TTC7B: variants seen among roughly 807,000 people sequenced by gnomAD.
TTC7B encodes tetratricopeptide repeat protein 7B.
In TTC7B, 28 loss-of-function variants were observed where a neutral mutation model predicts 106.8. The ratio of observed to expected loss-of-function variants is 0.26; its 90% CI spans 0.19 to 0.36. The LOEUF is 0.36. Ranked by LOEUF, TTC7B falls within the 10% of genes least tolerant of loss-of-function variation. TTC7B has a pLI of 1.00. For synonymous variants in TTC7B, 405 were observed against 430.6 expected, an observed-to-expected ratio of 0.94 and a Z score of 0.74; for missense variants, 862 against 1,076.4, an observed-to-expected ratio of 0.80 and a Z score of 2.79.
At chr14:90,622,738 C>G (rs138646236) in intron 15 of TTC7B, among the ~76,000 whole-genome samples, 1 of 152,086 alleles carries the variant, frequency 6.6e-6, no homozygotes, top group East Asian at 1.9e-4. Flanking sequence ...GCCCCCACTT[C>G]CCCCCAAAAG....
At chr14:90,594,969 CAAGAG>C (rs1346083297) in intron 17 of TTC7B, among the ~76,000 whole-genome samples, 8 of 152,270 alleles carry the variant, frequency 5.3e-5, no homozygotes, top group Non-Finnish European at 7.4e-5. Context: ...CAAGGACGAC[CAAGAG>C]GAGAGCAGCC....
chr14:90,593,607 C>T lies in TTC7B; in HGVS notation c.1986G>A (p.Ser662=), dbSNP rs776314170. Residue 662 remains serine, a synonymous_variant, in exon 18 of 20, where the codon TCG becomes TCA. Coordinates refer to ENST00000328459, the MANE Select transcript of TTC7B (RefSeq NM_001010854.2). ...DPETGSVHAT[S]VAASRVEQAL... The stretch of plus-strand genomic sequence containing the variant: ...CCTGCTCCACTCTTGAGGCTGCTAC[C>T]GATGTGGCATGGACGGAGCCTGTGA... 9.3e-6 allele frequency: 15 copies of T among 1,609,966 alleles called. No individual in the cohort carries two copies. The highest frequency in any genetic ancestry group is 1.7e-5 in the Admixed American group (1 of 59,678).
rs148044709 is a variant in TTC7B, at chr14:90,763,288, C to T, written c.445+17450G>A. On this transcript the variant is annotated intron_variant, in intron 3 of 19. Coordinates refer to ENST00000328459, the MANE Select transcript of TTC7B (RefSeq NM_001010854.2). ...TAAAAAATAAAGCACAAAAATTACA[C>T]GAACAATGCAATAAAAAAATTAGAC... Among the ~76,000 whole-genome samples the T allele has an allele frequency of 6.2e-3, 940 of 152,118 alleles. 2 individuals carry two copies. The highest frequency in any genetic ancestry group is 0.01 in the Non-Finnish European group (690 of 67,976).
chr14:90,557,293 G>T (rs1890355998), intron 19 of TTC7B, among the ~76,000 whole-genome samples: 1 of 152,180 alleles, frequency 6.6e-6, no homozygotes, highest in Admixed American at 6.5e-5. Context: ...CCCTGCAGGA[G>T]AGCAGGGCTG....
intron 19 of TTC7B, chr14:90,569,833 G>A (rs1187100057): frequency 3.3e-5 from 5 of 152,426 alleles, no homozygotes; most frequent in African/African-American, 1.2e-4. Context: ...GATTGCCCAT[G>A]TGGACAGAGA....
chr14:90,648,127 T>C (rs552362790), intron 13 of TTC7B, among the ~76,000 whole-genome samples: 1 of 152,256 alleles, frequency 6.6e-6, no homozygotes, highest in African/African-American at 2.4e-5. Flanking sequence ...TTCACTAATT[T>C]AGGTCATTGT....
At chr14:90,607,945 A>G (rs1212937427) in intron 17 of TTC7B, among the ~76,000 whole-genome samples, 1 of 152,260 alleles carries the variant, frequency 6.6e-6, no homozygotes, top group Non-Finnish European at 1.5e-5. Flanking sequence ...AGGAACAAAT[A>G]AGATGGATGG....
chr14:90,686,988 T>C (rs1280879403), intron 7 of TTC7B, among the ~76,000 whole-genome samples: 1 of 149,488 alleles, frequency 6.7e-6, no homozygotes, highest in Non-Finnish European at 1.5e-5. Flanking sequence ...AAATCCCAGC[T>C]GCCTATTTTT....
chr14:90,663,030 T>C lies in TTC7B; in HGVS notation c.1153-4643A>G, dbSNP rs1713154080. Among the ~76,000 whole-genome samples, 1 of 152,234 alleles carries C rather than the reference T, an allele frequency of 6.6e-6. No individual in the cohort carries two copies. The highest frequency in any genetic ancestry group is 2.1e-4 in the South Asian group (1 of 4,832). On this transcript the variant is annotated intron_variant, in intron 9 of 19. Transcript: ENST00000328459. This position sits in a 1 kb window ranked among gnomAD's most constrained non-coding sequence, Gnocchi z 4.5. Reference sequence around the variant, plus strand: ...ACAACTTTACAGAACTGGACCGGAATGTACGCTTATTCTTTATTACTTTAA... The same window carrying C: ...ACAACTTTACAGAACTGGACCGGAACGTACGCTTATTCTTTATTACTTTAA...
intron 15 of TTC7B, among the ~76,000 whole-genome samples, chr14:90,635,357 T>A (rs1884886226): frequency 6.6e-6 from 1 of 152,034 alleles, no homozygotes; most frequent in Non-Finnish European, 1.5e-5. Context: ...GCAAGTCAAA[T>A]AGAAAGCATA....
chr14:90,562,973 T>C (rs1264845230), intron 19 of TTC7B, among the ~76,000 whole-genome samples: 2 of 152,058 alleles, frequency 1.3e-5, no homozygotes, highest in Non-Finnish European at 2.9e-5. Context: ...TGCCGCACCA[T>C]ACCCTGCACA....
intron 1 of TTC7B, among the ~76,000 whole-genome samples, chr14:90,788,268 G>A (rs778193552): frequency 5.3e-5 from 8 of 152,156 alleles, no homozygotes; most frequent in Non-Finnish European, 1.0e-4. Context: ...ACTCCAGTGC[G>A]TGGGGCCGGT....
intron 17 of TTC7B, chr14:90,605,813 A>G: frequency 8.5e-7 from 1 of 1,180,792 alleles, no homozygotes; most frequent in Non-Finnish European, 1.1e-6. Flanking sequence ...CTTTAGAAAC[A>G]CAAAGAAAAA....
At position 90,562,739 on chromosome 14, in the gene TTC7B, C is replaced by G. The variant is rs141170541; in HGVS notation, c.2310+15367G>C. On this transcript the variant is annotated intron_variant, in intron 19 of 19. Transcript: ENST00000328459. ...CCTTATATAACCATGTAACCATATC[C>G]CACCTAACAAAATGAACAGTACCTC... 5.0e-3 allele frequency among the ~76,000 whole-genome samples: 767 copies of G among 152,228 alleles called. 2 individuals are homozygous for G. The highest frequency in any genetic ancestry group is 8.6e-3 in the Non-Finnish European group (588 of 68,002).
chr14:90,552,881 G>C (rs568935475), intron 19 of TTC7B, among the ~76,000 whole-genome samples: 4 of 152,348 alleles, frequency 2.6e-5, no homozygotes, highest in Non-Finnish European at 5.9e-5. Context: ...CGGGGTGGCT[G>C]CTTCCTCACT....
chr14:90,657,174 C>A lies in TTC7B; in HGVS notation c.1341G>T (p.Trp447Cys). ...CGGGGAGGGGGGCGCCCCTACTCAC[C>A]CAGTGCAGGGAGCCCATGCAGAGCT... Reference protein sequence around the residue: ...AAKLCMGSLHWLEEAEKFAKT... With the variant: ...AAKLCMGSLHCLEEAEKFAKT... Residue 447 changes from tryptophan to cysteine, a missense_variant and splice_region_variant, in exon 11 of 20, where the codon TGG becomes TGT. Trp to Cys is a radical substitution (Grantham distance 215). Coordinates refer to ENST00000328459, the MANE Select transcript of TTC7B (RefSeq NM_001010854.2). The surrounding 1 kb of genome is among the most constrained non-coding windows in gnomAD (Gnocchi z 4.2). 6.2e-7 allele frequency: 1 copy of A among 1,613,014 alleles called. No individual in the cohort carries two copies. Among genetic ancestry groups the A allele is most frequent in the Non-Finnish European group, 8.5e-7 (1 of 1,179,174 alleles).
intron 19 of TTC7B, among the ~76,000 whole-genome samples, chr14:90,560,970 C>T (rs1054996578): frequency 6.6e-6 from 1 of 152,238 alleles, no homozygotes; most frequent in Admixed American, 6.5e-5. Flanking sequence ...AATTGACCTG[C>T]CTTGCTTTGA....
intron 19 of TTC7B, among the ~76,000 whole-genome samples, chr14:90,559,161 T>C (rs1890461517): frequency 6.6e-6 from 1 of 152,222 alleles, no homozygotes; most frequent in Admixed American, 6.5e-5. Flanking sequence ...ACGCGGAGCT[T>C]GGAGGATCCA....
intron 6 of TTC7B, among the ~76,000 whole-genome samples, chr14:90,694,900 T>G (rs1887643429): frequency 1.5e-5 from 1 of 65,768 alleles, no homozygotes; most frequent in Non-Finnish European, 3.0e-5. Context: ...ATAACACATA[T>G]ATGTCACATA....
Sources: gnomAD v4.1 joint callset for allele counts (sites outside exome capture counted in the v4.1 genomes callset) on GRCh38, gnomAD v4.1.1 for gene constraint, Gnocchi (gnomAD v3.1) non-coding constraint, MANE v1.5 for transcripts, NCBI Gene and HGNC (gene_info 2026-07-23, HGNC 2026-07-21) for gene names.